GULP1: variants seen among roughly 807,000 people sequenced by gnomAD.
The protein encoded by GULP1 is GULP PTB domain containing engulfment adaptor 1.
Under a neutral mutation model 40.9 loss-of-function variants are expected in GULP1, and 19 were observed. That is an observed-to-expected ratio of 0.46 (90% CI 0.32 to 0.68). The LOEUF is 0.68. Among genes scored for constraint, GULP1 ranks in the 30% least tolerant of loss-of-function variants. GULP1 has a pLI of 0.03. For missense variants in GULP1, 312 were observed against 362.2 expected, an observed-to-expected ratio of 0.86 and a Z score of 1.12; for synonymous variants, 119 against 117.6, an observed-to-expected ratio of 1.01 and a Z score of -0.08.
chr2:188,388,714 A>G (rs779530320), intron 2 of GULP1, among the ~76,000 whole-genome samples: 1 of 152,158 alleles, frequency 6.6e-6, no homozygotes, highest in South Asian at 2.1e-4. Flanking sequence ...CTAAGCTAGG[A>G]ACTGTAGGAA....
At chr2:188,547,242 G>GA (rs773467445) in intron 7 of GULP1, among the ~76,000 whole-genome samples, 3,500 of 120,664 alleles carry the variant, frequency 0.029, 121 homozygotes, top group African/African-American at 0.087. Flanking sequence ...CTTAGACAAT[G>GA]AAAAAAAAAA....
chr2:188,330,210 A>G (rs1188721049), intron 1 of GULP1, among the ~76,000 whole-genome samples: 3 of 152,168 alleles, frequency 2.0e-5, no homozygotes, highest in South Asian at 2.1e-4. Context: ...ATAATTCTTA[A>G]GATTAGGTAA....
chr2:188,400,426 A>G (rs929513301), intron 2 of GULP1, among the ~76,000 whole-genome samples: 2 of 152,172 alleles, frequency 1.3e-5, no homozygotes, highest in Non-Finnish European at 2.9e-5. Context: ...TTGAACTACC[A>G]TAGTGGGGTA....
chr2:188,568,136 A>G (rs1198972127), intron 7 of GULP1, among the ~76,000 whole-genome samples: 2 of 152,110 alleles, frequency 1.3e-5, no homozygotes, highest in Non-Finnish European at 2.9e-5. Context: ...TCCTTAAATA[A>G]TGAACTATAA....
intron 2 of GULP1, among the ~76,000 whole-genome samples, chr2:188,430,574 G>A (rs2056754848): frequency 6.6e-6 from 1 of 152,134 alleles, no homozygotes; most frequent in South Asian, 2.1e-4. Context: ...ATATGTTTGG[G>A]CTCAGAAAAC....
intron 4 of GULP1, among the ~76,000 whole-genome samples, chr2:188,500,710 A>G (rs767808383): frequency 2.0e-5 from 3 of 151,920 alleles, no homozygotes; most frequent in Non-Finnish European, 2.9e-5. Context: ...ATGTCCATCT[A>G]TGATTAACAA....
intron 2 of GULP1, among the ~76,000 whole-genome samples, chr2:188,436,130 G>GT (rs1356507083): frequency 6.6e-6 from 1 of 152,052 alleles, no homozygotes; most frequent in Admixed American, 6.6e-5. Flanking sequence ...TGTACAGGGT[G>GT]TGTACACCAG....
chr2:188,495,256 A>G (rs2062790571), intron 4 of GULP1, among the ~76,000 whole-genome samples: 4 of 152,052 alleles, frequency 2.6e-5, no homozygotes, highest in Admixed American at 2.6e-4. Flanking sequence ...CTGTTCATGC[A>G]ACACAATTCT....
chr2:188,585,014 T>C (rs1702077543), intron 10 of GULP1, among the ~76,000 whole-genome samples: 1 of 152,194 alleles, frequency 6.6e-6, no homozygotes, highest in Non-Finnish European at 1.5e-5. Context: ...ACAATGAGCA[T>C]ACAGGCATTG....
intron 4 of GULP1, among the ~76,000 whole-genome samples, chr2:188,508,416 A>G (rs1047081405): frequency 3.3e-5 from 5 of 152,116 alleles, no homozygotes; most frequent in African/African-American, 1.2e-4. Flanking sequence ...ATACTTCCTC[A>G]CTTTTACAAA....
At chr2:188,570,459 C>A (rs1698780814) in intron 9 of GULP1, among the ~76,000 whole-genome samples, 1 of 152,082 alleles carries the variant, frequency 6.6e-6, no homozygotes, top group African/African-American at 2.4e-5. Flanking sequence ...GATTTAATGA[C>A]CTATGCCAGT....
intron 1 of GULP1, among the ~76,000 whole-genome samples, chr2:188,354,204 C>T (rs2152316094): frequency 6.6e-6 from 1 of 152,258 alleles, no homozygotes; most frequent in South Asian, 2.1e-4. Flanking sequence ...CCAATTTTTA[C>T]CATCTCAGAG....
intron 2 of GULP1, among the ~76,000 whole-genome samples, chr2:188,466,124 A>G (rs1187145132): frequency 6.6e-6 from 1 of 151,928 alleles, no homozygotes; most frequent in East Asian, 1.9e-4. Flanking sequence ...TGCAAAGGTC[A>G]CCAGTTATCT....
intron 1 of GULP1, among the ~76,000 whole-genome samples, chr2:188,349,223 A>G (rs1370395103): frequency 6.6e-6 from 1 of 152,178 alleles, no homozygotes; most frequent in Non-Finnish European, 1.5e-5. Flanking sequence ...ATTTGTATAC[A>G]AGTTTTTTAT....
chr2:188,461,883 A>C (rs1270004183), intron 2 of GULP1, among the ~76,000 whole-genome samples: 1 of 152,042 alleles, frequency 6.6e-6, no homozygotes, highest in Admixed American at 6.6e-5. Flanking sequence ...TCAAAAAAAT[A>C]GTCTTTCATT....
intron 5 of GULP1, among the ~76,000 whole-genome samples, chr2:188,527,842 C>T (rs1210918848): frequency 6.6e-6 from 1 of 152,102 alleles, no homozygotes; most frequent in African/African-American, 2.4e-5. Flanking sequence ...TGCTCCAGGA[C>T]GGAGCTATAC....
At chr2:188,450,007 C>A (rs1404352401) in intron 2 of GULP1, among the ~76,000 whole-genome samples, 1 of 152,148 alleles carries the variant, frequency 6.6e-6, no homozygotes, top group African/African-American at 2.4e-5. Flanking sequence ...TATTCTAAAT[C>A]TAACCAAATG....
intron 5 of GULP1, among the ~76,000 whole-genome samples, chr2:188,527,393 AG>A (rs1559344355): frequency 6.6e-6 from 1 of 152,274 alleles, no homozygotes; most frequent in African/African-American, 2.4e-5. Context: ...GCATTCACAT[AG>A]GGGGAGAGCA....
intron 11 of GULP1, chr2:188,592,000 GAAGA>G (rs1225789656): frequency 6.6e-6 from 1 of 151,764 alleles, no homozygotes; most frequent in Admixed American, 6.6e-5. Context: ...TTTATCTGAG[GAAGA>G]AAGAAAATCA....
Sources: gnomAD v4.1 joint callset for allele counts (sites outside exome capture counted in the v4.1 genomes callset) on GRCh38, gnomAD v4.1.1 for gene constraint, MANE v1.5 for transcripts, NCBI Gene and HGNC (gene_info 2026-07-23, HGNC 2026-07-21) for gene names.